Variants in VPS4B observed in about 807,000 individuals in gnomAD.
The protein encoded by VPS4B is vacuolar protein sorting-associated protein 4B.
A neutral mutation model predicts 56.1 loss-of-function variants in VPS4B; 23 were observed. The observed-to-expected ratio is 0.41, with a 90% CI of 0.30 to 0.58. The LOEUF is 0.58. Ranked by LOEUF, VPS4B falls within the 20% of genes least tolerant of loss-of-function variation. The pLI is 0.29. For synonymous variants in VPS4B, 177 were observed against 186.0 expected (o/e 0.95, Z 0.39); for missense variants, 372 against 531.9 (o/e 0.70, Z 2.96).
At position 63,390,884 on chromosome 18, in the gene VPS4B, G is replaced by T. The variant is rs1298438718; in HGVS notation, c.*91C>A. 3.5e-6 allele frequency: 3 copies of T among 865,530 alleles called. No homozygotes were observed. Among genetic ancestry groups the T allele is most frequent in the Non-Finnish European group, 5.5e-6 (3 of 548,828 alleles). The allele number at this position is 865,530 out of a possible 1,614,324, so 53.6% of individuals were successfully genotyped here. A position where few individuals can be genotyped will look rare whatever the true frequency, so the allele number is the denominator to read the frequency against. On this transcript the variant is annotated 3_prime_UTR_variant, in exon 11 of 11. Transcript: ENST00000238497. ...ATGTGTATTTCCCTGTGGTAAAAGA[G>T]TTTTACTGGAAACAATTAATGCGAT...
rs148469969 is a variant in VPS4B, at chr18:63,392,097, C to T, written c.1234-1021G>A. 4.9e-4 allele frequency among the ~76,000 whole-genome samples: 75 copies of T among 152,260 alleles called. 1 individual carries two copies. In the East Asian group the frequency reaches 0.014, roughly 27 times the overall value. ...ACACACAAATATATGGGTGTATACACATTTACATGTATATCTATGTACCGT... is the reference window on the plus strand; with the variant it reads ...ACACACAAATATATGGGTGTATACATATTTACATGTATATCTATGTACCGT... On this transcript the variant is annotated intron_variant, in intron 10 of 10. Coordinates refer to ENST00000238497, the MANE Select transcript of VPS4B (RefSeq NM_004869.4).
At chr18:63,393,141 T>C (rs1451250359) in intron 10 of VPS4B, among the ~76,000 whole-genome samples, 1 of 152,244 alleles carries the variant, frequency 6.6e-6, no homozygotes, top group African/African-American at 2.4e-5. Context: ...TTTGGAGATA[T>C]TCTAGCTATA....
In VPS4B at chr18:63,405,796, AAAAC is replaced by A. The variant is rs548392723; in HGVS notation, c.364+1632_364+1635del. 1.7e-3 allele frequency among the ~76,000 whole-genome samples: 254 copies of A among 151,302 alleles called. 1 individual carries two copies. Among genetic ancestry groups the A allele is most frequent in the East Asian group, 7.0e-3 (36 of 5,158 alleles). ...AACATGGCCAAACCCCACCTCTACAAAAACAAACAAACAAACAAACAAACAAACA... is the reference window on the plus strand; with the variant it reads ...AACATGGCCAAACCCCACCTCTACAAAAACAAACAAACAAACAAACAAACA... On this transcript the variant is annotated intron_variant, in intron 4 of 10. Coordinates refer to ENST00000238497, the MANE Select transcript of VPS4B (RefSeq NM_004869.4).
At chr18:63,407,225 T>C (rs114868962) in intron 4 of VPS4B, among the ~76,000 whole-genome samples, 140 of 152,262 alleles carry the variant, frequency 9.2e-4, no homozygotes, top group African/African-American at 3.2e-3. Context: ...CCAACAAAAC[T>C]ATTACATAAA....
intron 5 of VPS4B, among the ~76,000 whole-genome samples, chr18:63,401,508 C>T (rs942144347): frequency 1.3e-5 from 2 of 152,152 alleles, no homozygotes; most frequent in African/African-American, 4.8e-5. Context: ...CCCACCTCAG[C>T]CTCCAGCTAG....
intron 1 of VPS4B, among the ~76,000 whole-genome samples, chr18:63,421,037 C>CAA (rs36083080): frequency 1.3e-4 from 7 of 51,954 alleles, no homozygotes; most frequent in East Asian, 1.2e-3. Flanking sequence ...GACTCCGTCT[C>CAA]AAAAAAAAAA....
intron 2 of VPS4B, 118 bp from the exon 3 acceptor site, chr18:63,410,564 A>T (rs1568089373): frequency 1.5e-6 from 2 of 1,314,828 alleles, no homozygotes; most frequent in East Asian, 4.6e-5. Context: ...AGGAGGGAAG[A>T]TCATCTCTAA....
intron 1 of VPS4B, among the ~76,000 whole-genome samples, chr18:63,413,977 G>T (rs1916106013): frequency 6.6e-6 from 1 of 152,164 alleles, no homozygotes; most frequent in Non-Finnish European, 1.5e-5. Flanking sequence ...AGTTTTATCA[G>T]CTAGTATATG....
rs142773300 is a variant in VPS4B, at chr18:63,398,829, G to A, written c.872+413C>T. On this transcript the variant is annotated intron_variant, in intron 8 of 10. Coordinates refer to ENST00000238497, the MANE Select transcript of VPS4B (RefSeq NM_004869.4). ...CAGCCTGGCAACAGAGTGAGACTCC[G>A]ACTCAAAAAAAAAAAAAAAATCTTA... Among the ~76,000 whole-genome samples, 341 of 142,590 alleles carry A rather than the reference G, an allele frequency of 2.4e-3. 3 individuals are homozygous for A. Among genetic ancestry groups the A allele is most frequent in the African/African-American group, 8.5e-3 (324 of 38,282 alleles). 93.5% of individuals were successfully genotyped at this position (142,590 alleles called of 152,430 possible).
chr18:63,398,204 C>CACACACATATAATATATATATATATAT (rs1298374245), intron 8 of VPS4B, among the ~76,000 whole-genome samples: 1 of 112,446 alleles, frequency 8.9e-6, no homozygotes, highest in African/African-American at 3.3e-5. Context: ...CACACACACA[C>CACACACATATAATATATATATATATAT]ATATATATAT....
chr18:63,393,701 AG>A (rs1915606703), intron 9 of VPS4B, 152 bp from the exon 10 acceptor site: 4 of 838,622 alleles, frequency 4.8e-6, no homozygotes, highest in Non-Finnish European at 6.6e-6. Context: ...TACAACAAAA[AG>A]TAGTTATCCC....
At chr18:63,408,840 C>T (rs1420204405) in intron 3 of VPS4B, among the ~76,000 whole-genome samples, 1 of 152,174 alleles carries the variant, frequency 6.6e-6, no homozygotes, top group Non-Finnish European at 1.5e-5. Context: ...AAACTGGCAT[C>T]GCCTTGTCAG....
At chr18:63,411,684 T>A in intron 1 of VPS4B, 106 bp from the exon 2 acceptor site, 1 of 696,482 alleles carries the variant, frequency 1.4e-6, no homozygotes, top group Non-Finnish European at 2.1e-6. Flanking sequence ...CTTCTCAGCT[T>A]GCTGGGCTGT....
At chr18:63,403,929 A>C (rs1915864216) in intron 4 of VPS4B, 103 bp from the exon 5 acceptor site, 1 of 1,348,648 alleles carries the variant, frequency 7.4e-7, no homozygotes, top group Non-Finnish European at 1.0e-6. Flanking sequence ...TAAAATTGGG[A>C]AAGTTTTATG....
intron 9 of VPS4B, among the ~76,000 whole-genome samples, chr18:63,395,418 G>A (rs998718898): frequency 1.3e-5 from 2 of 152,208 alleles, no homozygotes; most frequent in African/African-American, 4.8e-5. Context: ...CTTCATTATT[G>A]GAAAGGACTT....
intron 2 of VPS4B, 152 bp from the exon 3 acceptor site, chr18:63,410,598 C>G: frequency 9.3e-7 from 1 of 1,072,396 alleles, no homozygotes; most frequent in Non-Finnish European, 1.3e-6. Context: ...ATGATTATCA[C>G]CTCTTTTCTA....
intron 1 of VPS4B, 52 bp downstream of exon 1, chr18:63,422,181 C>A (rs1916318765): frequency 2.8e-6 from 4 of 1,442,170 alleles, no homozygotes; most frequent in African/African-American, 3.0e-5. Flanking sequence ...CCGCTTCTCG[C>A]GCCTCCCCTC....
At chr18:63,413,597 T>C (rs1236065105) in intron 1 of VPS4B, among the ~76,000 whole-genome samples, 1 of 151,484 alleles carries the variant, frequency 6.6e-6, no homozygotes, top group Non-Finnish European at 1.5e-5. Flanking sequence ...AAACATGACT[T>C]ATTAAAACAT....
intron 5 of VPS4B, among the ~76,000 whole-genome samples, chr18:63,401,461 T>A (rs925037341): frequency 3.3e-5 from 5 of 151,892 alleles, no homozygotes; most frequent in Non-Finnish European, 7.4e-5. Flanking sequence ...ACCATGTTGG[T>A]CAGGCTGGTC....
Sources: gnomAD v4.1 joint callset for allele counts (sites outside exome capture counted in the v4.1 genomes callset) on GRCh38, gnomAD v4.1.1 for gene constraint, MANE v1.5 for transcripts, NCBI Gene and HGNC (gene_info 2026-07-23, HGNC 2026-07-21) for gene names.